Variants in HARBI1 observed in about 807,000 individuals in gnomAD.
HARBI1 encodes harbinger transposase derived 1.
Under a neutral mutation model 25.3 loss-of-function variants are expected in HARBI1, and 15 were observed. The ratio of observed to expected loss-of-function variants is 0.59; its 90% CI spans 0.40 to 0.91. HARBI1 has a LOEUF of 0.91. Among genes scored for constraint, HARBI1 ranks in the 40% least tolerant of loss-of-function variants. The pLI, the probability that HARBI1 is intolerant of heterozygous loss-of-function variation, is 0.00. For synonymous variants in HARBI1, 168 were observed against 160.5 expected (o/e 1.05, Z -0.35); for missense variants, 396 against 445.8 (o/e 0.89, Z 1.01).
intron 2 of HARBI1, among the ~76,000 whole-genome samples, chr11:46,604,982 C>T (rs184368421): frequency 6.6e-6 from 1 of 152,276 alleles, no homozygotes; most frequent in East Asian, 1.9e-4. Context: ...TCCAACAGCA[C>T]AATGTTAGTA....
chr11:46,606,762 C>A (rs531096202), intron 2 of HARBI1, among the ~76,000 whole-genome samples: 63 of 152,114 alleles, frequency 4.1e-4, no homozygotes, highest in African/African-American at 1.5e-3. Flanking sequence ...CCCAACACAC[C>A]CTCCTGAGTA....
intron 2 of HARBI1, among the ~76,000 whole-genome samples, chr11:46,612,669 ATTTTTTTT>A (rs1278987927): frequency 7.1e-6 from 1 of 139,952 alleles, no homozygotes; most frequent in Admixed American, 7.3e-5. Flanking sequence ...TGCAAAAATA[ATTTTTTTT>A]TTTTTTTTTT....
chr11:46,617,543 C>T (rs537924218), upstream of HARBI1: 10 of 215,518 alleles, frequency 4.6e-5, 2 homozygotes, highest in South Asian at 2.0e-3. Flanking sequence ...CTCTTTCACC[C>T]CCCCCCCCCG....
chr11:46,617,541 C>CCA (rs1555032882), upstream of HARBI1: 2 of 90,858 alleles, frequency 2.2e-5, no homozygotes, highest in African/African-American at 1.3e-4. Flanking sequence ...CCCTCTTTCA[C>CCA]CCCCCCCCCC....
intron 1 of HARBI1, chr11:46,616,836 A>AC (rs2045538490): frequency 1.4e-6 from 1 of 733,832 alleles, no homozygotes; most frequent in Admixed American, 8.1e-5. Flanking sequence ...AGGGGCAAAA[A>AC]AAAAAAAAAA....
chr11:46,607,096 C>T (rs1167356728), intron 2 of HARBI1, among the ~76,000 whole-genome samples: 2 of 152,038 alleles, frequency 1.3e-5, no homozygotes, highest in Non-Finnish European at 2.9e-5. Context: ...AAAACCCCAT[C>T]TCTACTAAAA....
chr11:46,614,763 T>A (rs1398095013), intron 2 of HARBI1, among the ~76,000 whole-genome samples: 1 of 152,134 alleles, frequency 6.6e-6, no homozygotes, highest in East Asian at 1.9e-4. Flanking sequence ...TCTAACAGTA[T>A]GCTTTAAAGT....
At chr11:46,612,191 G>A (rs972892456) in intron 2 of HARBI1, among the ~76,000 whole-genome samples, 11 of 152,288 alleles carry the variant, frequency 7.2e-5, no homozygotes, top group African/African-American at 2.4e-4. Context: ...GTGTGGTGGT[G>A]TATGTCTGTG....
At position 46,616,853 on chromosome 11, in the gene HARBI1, A is replaced by C. The variant is rs1463738716; in HGVS notation, c.-145+271T>G. 11 of 964,666 alleles carry C rather than the reference A, an allele frequency of 1.1e-5. No homozygotes were observed. The Admixed American group carries it at 4.4e-4, about 39-fold the overall frequency. The allele number at this position is 964,666 out of a possible 1,614,324, so 59.8% of individuals were successfully genotyped here. ...GGGCAAAAAAAAAAAAAAAAAAAAA[A>C]AAAAAAAAACAACCAAAGTCCACAA... is the stretch of plus-strand genomic sequence containing the variant. On this transcript the variant is annotated intron_variant, in intron 1 of 2. Transcript: ENST00000326737.
chr11:46,615,320 C>G (rs1391401416), intron 2 of HARBI1, among the ~76,000 whole-genome samples: 2 of 151,654 alleles, frequency 1.3e-5, no homozygotes, highest in Non-Finnish European at 2.9e-5. Flanking sequence ...CTTCTGGGTT[C>G]AAGCGATTGT....
At chr11:46,607,279 AG>A (rs1286902554) in intron 2 of HARBI1, among the ~76,000 whole-genome samples, 1 of 151,324 alleles carries the variant, frequency 6.6e-6, no homozygotes, top group East Asian at 1.9e-4. Context: ...AAAAAAAAAA[AG>A]ATTATCTCTT....
In HARBI1 at chr11:46,606,583, G is replaced by C. The variant is rs1046917334; in HGVS notation, c.671-2674C>G. ...CTCCCTTTGGCCTCCCAAAGTGCTGGGATTACAATCGTGAGCCACCATGCC... is the reference window on the plus strand; with the variant it reads ...CTCCCTTTGGCCTCCCAAAGTGCTGCGATTACAATCGTGAGCCACCATGCC... On this transcript the variant is annotated intron_variant, in intron 2 of 2. Transcript: ENST00000326737. Among the ~76,000 whole-genome samples, 22 of 152,194 alleles carry C rather than the reference G, an allele frequency of 1.4e-4. 1 individual carries two copies. Among genetic ancestry groups the C allele is most frequent in the Middle Eastern group, 6.8e-3 (2 of 292 alleles).
intron 2 of HARBI1, among the ~76,000 whole-genome samples, chr11:46,609,138 G>C (rs912901110): frequency 2.0e-5 from 3 of 150,830 alleles, no homozygotes; most frequent in Non-Finnish European, 3.0e-5. Context: ...TGGCCAGGCT[G>C]GTCTCAAACT....
rs765944145 is a variant in HARBI1, at chr11:46,615,551, C to T, written c.670+17G>A. 2 of 1,604,168 alleles carry T rather than the reference C, an allele frequency of 1.2e-6. No individual in the cohort carries two copies. The highest frequency in any genetic ancestry group is 2.7e-5 in the African/African-American group (2 of 74,588). ...TATGCCTCCAAACAAAATGAAAATTCACACTTGCAAACTTACCCAGAAGCC... is the reference window on the plus strand; with the variant it reads ...TATGCCTCCAAACAAAATGAAAATTTACACTTGCAAACTTACCCAGAAGCC... On this transcript the variant is annotated intron_variant, in intron 2 of 2. Coordinates refer to ENST00000326737, the MANE Select transcript of HARBI1 (RefSeq NM_173811.4).
At chr11:46,613,466 A>G (rs1018453662) in intron 2 of HARBI1, among the ~76,000 whole-genome samples, 8 of 149,154 alleles carry the variant, frequency 5.4e-5, no homozygotes, top group African/African-American at 9.8e-5. Context: ...GACAGTCCTG[A>G]TAAGTATGTT....
intron 2 of HARBI1, among the ~76,000 whole-genome samples, chr11:46,608,883 GGGATTACA>G (rs2045063664): frequency 6.6e-6 from 1 of 151,678 alleles, no homozygotes; most frequent in Admixed American, 6.6e-5. Context: ...CCAAAGTGCT[GGGATTACA>G]GGCTTGAGCC....
chr11:46,610,248 A>C (rs909157594), intron 2 of HARBI1, among the ~76,000 whole-genome samples: 95 of 152,136 alleles, frequency 6.2e-4, no homozygotes, highest in Non-Finnish European at 7.5e-4. Flanking sequence ...TGAGCCCAGG[A>C]GGTCAAGGCT....
intron 2 of HARBI1, among the ~76,000 whole-genome samples, chr11:46,612,970 ATTTTTTTTTT>A (rs11301819): frequency 2.0e-4 from 7 of 34,744 alleles, no homozygotes; most frequent in Non-Finnish European, 3.3e-4. Flanking sequence ...CCACACCCGG[ATTTTTTTTTT>A]TTTTTTTTTT....
At chr11:46,608,670 CA>C (rs2045052837) in intron 2 of HARBI1, among the ~76,000 whole-genome samples, 1 of 150,824 alleles carries the variant, frequency 6.6e-6, no homozygotes, top group African/African-American at 2.4e-5. Context: ...GTCTGGAGTA[CA>C]GTCACAGAAT....
Sources: allele counts gnomAD v4.1 joint callset (sites outside exome capture counted in the v4.1 genomes callset), GRCh38; gene constraint gnomAD v4.1.1; transcripts MANE v1.5; gene names NCBI Gene and HGNC (gene_info 2026-07-23, HGNC 2026-07-21).